TMEM234: variants seen among roughly 807,000 people sequenced by gnomAD.
The protein encoded by TMEM234 is chromosome 1 open reading frame 91.
In TMEM234, 21 loss-of-function variants were observed where a neutral mutation model predicts 17.8. The ratio of observed to expected loss-of-function variants is 1.18; its 90% CI spans 0.84 to 1.70. TMEM234 has a LOEUF of 1.70. TMEM234 is among the 40% of genes most tolerant of loss of function. The pLI is 0.00. For missense variants in TMEM234, 137 were observed against 166.9 expected, an observed-to-expected ratio of 0.82 and a Z score of 0.99; for synonymous variants, 83 against 73.5, an observed-to-expected ratio of 1.13 and a Z score of -0.66.
downstream of TMEM234, chr1:32,215,747 C>T (rs533495251): frequency 7.1e-7 from 1 of 1,400,830 alleles, no homozygotes. Flanking sequence ...TGGCTGAGAG[C>T]TGGAGGCTGG....
chr1:32,216,744 G>C lies in TMEM234; in HGVS notation c.*109C>G. ...TAGCTGTTATCCCCATAAGAGAGGAGGAAGCTAAGGCCAGAGAGGGGAAGT... is the reference window on the plus strand; with the variant it reads ...TAGCTGTTATCCCCATAAGAGAGGACGAAGCTAAGGCCAGAGAGGGGAAGT... On this transcript the variant is annotated 3_prime_UTR_variant, in exon 5 of 5. Coordinates refer to ENST00000309777, the MANE Select transcript of TMEM234 (RefSeq NM_019118.5). 6.6e-7 allele frequency: 1 copy of C among 1,525,066 alleles called. No homozygotes were observed. Among genetic ancestry groups the C allele is most frequent in the South Asian group, 1.2e-5 (1 of 80,556 alleles). 94.5% of individuals were successfully genotyped at this position (1,525,066 alleles called of 1,614,324 possible). A position where few individuals can be genotyped will look rare whatever the true frequency, so the allele number is the denominator to read the frequency against.
rs191336676 is a variant in TMEM234 at position 32,219,066 on chromosome 1, C to T, written c.236-1715G>A. Among the ~76,000 whole-genome samples, 185 of 150,782 alleles carry T rather than the reference C, an allele frequency of 1.2e-3. 1 individual carries two copies. Among genetic ancestry groups the T allele is most frequent in the Admixed American group, 3.2e-3 (49 of 15,126 alleles). ...GGCGGAGGTTGCAGTGAGCCAAGAT[C>T]GCACCATTGCACTCCAGCTTGGGCA... On this transcript the variant is annotated intron_variant, in intron 3 of 4. Coordinates refer to ENST00000309777, the MANE Select transcript of TMEM234 (RefSeq NM_019118.5).
chr1:32,215,324 G>T, downstream of TMEM234: 1 of 844,356 alleles, frequency 1.2e-6, no homozygotes, highest in Non-Finnish European at 1.8e-6. Context: ...CTGGGAGGTG[G>T]TGGGGAATGC....
At chr1:32,221,641 A>G (rs907610915) in intron 2 of TMEM234, among the ~76,000 whole-genome samples, 7 of 152,184 alleles carry the variant, frequency 4.6e-5, no homozygotes, top group Admixed American at 2.0e-4. Context: ...TTCTAGGCCT[A>G]ATGCTAAGTG....
In TMEM234 at chr1:32,216,771, C is replaced by T; in HGVS notation, c.*82G>A. 6.4e-7 allele frequency: 1 copy of T among 1,568,070 alleles called. No individual in the cohort carries two copies. Among genetic ancestry groups the T allele is most frequent in the Non-Finnish European group, 8.7e-7 (1 of 1,154,352 alleles). On this transcript the variant is annotated 3_prime_UTR_variant, in exon 5 of 5. Transcript: ENST00000309777. ...AAGCTAAGGCCAGAGAGGGGAAGTG[C>T]TAGGTCCATCCGCTCACTGCCAGCA...
At chr1:32,218,626 A>T (rs2124232423) in intron 3 of TMEM234, among the ~76,000 whole-genome samples, 1 of 152,064 alleles carries the variant, frequency 6.6e-6, no homozygotes, top group South Asian at 2.1e-4. Flanking sequence ...AACATGGAGA[A>T]ACCCCGTCTC....
rs1192221327 is a variant in TMEM234 at position 32,217,271 on chromosome 1, T to C, written c.316A>G (p.Ile106Val). The change falls in exon 4 of 5, where the codon ATT (isoleucine) becomes GTT (valine). Residue 106 changes from isoleucine to valine, a missense_variant. Coordinates refer to ENST00000309777, the MANE Select transcript of TMEM234 (RefSeq NM_019118.5). ...TAGTCTAACTTACGTTTTCCACCAA[T>C]ATCTTCTCCAAGGGCCTTCCCAACA... Reference protein sequence around the residue: ...LIVGKALGEDIGGKRAVAGMV... With the variant: ...LIVGKALGEDVGGKRAVAGMV... 1 of 1,614,056 alleles carries C rather than the reference T, an allele frequency of 6.2e-7. No individual in the cohort carries two copies. The highest frequency in any genetic ancestry group is 2.2e-5 in the East Asian group (1 of 44,906).
intron 3 of TMEM234, among the ~76,000 whole-genome samples, chr1:32,220,200 A>G (rs560272331): frequency 6.6e-6 from 1 of 152,304 alleles, no homozygotes; most frequent in South Asian, 2.1e-4. Flanking sequence ...TTTGAGACAG[A>G]GTCTCGCTCT....
chr1:32,219,848 C>T (rs72886376), intron 3 of TMEM234, among the ~76,000 whole-genome samples: 249 of 152,260 alleles, frequency 1.6e-3, no homozygotes, highest in African/African-American at 5.7e-3. Flanking sequence ...AAACACTCAA[C>T]CTGTTTCCCC....
At chr1:32,215,513 A>C, downstream of TMEM234, 1 of 1,613,782 alleles carries the variant, frequency 6.2e-7, no homozygotes, top group Admixed American at 1.7e-5. Flanking sequence ...CAGATGATGA[A>C]GACACTCAGA....
In TMEM234 at chr1:32,222,334, T is replaced by C; in HGVS notation, c.-12A>G. On this transcript the variant is annotated 5_prime_UTR_variant, in exon 1 of 5. Transcript: ENST00000309777. ...AGAGACGCCGCCATGGCAACGCCGCTGTCTTCTACTTCCGGGAACGAAGGG... is the reference window on the plus strand; with the variant it reads ...AGAGACGCCGCCATGGCAACGCCGCCGTCTTCTACTTCCGGGAACGAAGGG... 1 of 1,562,694 alleles carries C rather than the reference T, an allele frequency of 6.4e-7. No individual in the cohort carries two copies. Among genetic ancestry groups the C allele is most frequent in the Admixed American group, 1.9e-5 (1 of 52,654 alleles).
chr1:32,219,391 G>A (rs995070469), intron 3 of TMEM234, among the ~76,000 whole-genome samples: 4 of 152,040 alleles, frequency 2.6e-5, no homozygotes, highest in Admixed American at 6.6e-5. Context: ...GTTGTTTTTC[G>A]TTTTTGTTGT....
At position 32,216,411 on chromosome 1, in the gene TMEM234, C is replaced by T; in HGVS notation, c.*442G>A. 1 of 1,551,658 alleles carries T rather than the reference C, an allele frequency of 6.4e-7. No individual in the cohort carries two copies. Among genetic ancestry groups the T allele is most frequent in the Non-Finnish European group, 8.7e-7 (1 of 1,146,980 alleles). On this transcript the variant is annotated 3_prime_UTR_variant, in exon 5 of 5. Coordinates refer to ENST00000309777, the MANE Select transcript of TMEM234 (RefSeq NM_019118.5). The stretch of plus-strand genomic sequence containing the variant: ...TCTTCCCTCGGTTCCACCCCTCATT[C>T]AGCCAAAGCGCTCTGACTGAGTCCC...
chr1:32,216,273 G>A lies in TMEM234; in HGVS notation c.*580C>T, dbSNP rs1638373077. 3.4e-6 allele frequency: 5 copies of A among 1,473,584 alleles called. No individual in the cohort carries two copies. Among genetic ancestry groups the A allele is most frequent in the South Asian group, 2.7e-5 (2 of 74,242 alleles). 91.3% of individuals were successfully genotyped at this position (1,473,584 alleles called of 1,614,324 possible). On this transcript the variant is annotated 3_prime_UTR_variant, in exon 5 of 5. Transcript: ENST00000309777. ...GAGTCAGGTGGGGCTGGGGCTCACA[G>A]CTCTCTACCTGTTTAAGAGGGGCTG...
downstream of TMEM234, chr1:32,214,592 T>C: frequency 1.6e-6 from 1 of 619,264 alleles, no homozygotes; most frequent in Middle Eastern, 4.0e-4. Context: ...CATCGAGGAG[T>C]GCCAGGCATC....
Position 32,216,462 on chromosome 1 carries a change from C to T in TMEM234, c.*391G>A, listed in dbSNP as rs1638394771. 6.4e-7 allele frequency: 1 copy of T among 1,551,634 alleles called. No individual in the cohort carries two copies. The highest frequency in any genetic ancestry group is 8.7e-7 in the Non-Finnish European group (1 of 1,147,016). On this transcript the variant is annotated 3_prime_UTR_variant, in exon 5 of 5. Transcript: ENST00000309777. The stretch of plus-strand genomic sequence containing the variant: ...AGAGGCCTCCCGTTTGCATTTCTGG[C>T]TCAAAGTCTGCAGCTGGCCCTTTCC...
At chr1:32,217,107 C>A (rs558058120) in intron 4 of TMEM234, 152 bp downstream of exon 4, 1 of 1,567,286 alleles carries the variant, frequency 6.4e-7, no homozygotes, top group Admixed American at 1.9e-5. Flanking sequence ...CTCTGATGGC[C>A]ACAAGGAAGC....
intron 3 of TMEM234, among the ~76,000 whole-genome samples, chr1:32,218,479 A>T (rs1377637450): frequency 6.6e-6 from 1 of 151,522 alleles, no homozygotes; most frequent in East Asian, 2.0e-4. Context: ...TTGAGGGTAG[A>T]TCTCCTGTTA....
chr1:32,217,036 T>C (rs1638450843), intron 4 of TMEM234, 89 bp from the exon 5 acceptor site: 1 of 1,592,488 alleles, frequency 6.3e-7, no homozygotes. Context: ...TCAGATGGGG[T>C]CTGGTCTTCA....
Sources: allele counts gnomAD v4.1 joint callset (sites outside exome capture counted in the v4.1 genomes callset), GRCh38; gene constraint gnomAD v4.1.1; transcripts MANE v1.5; gene names NCBI Gene and HGNC (gene_info 2026-07-23, HGNC 2026-07-21).